SRGAP3: variants seen among roughly 807,000 people sequenced by gnomAD.
SRGAP3 encodes the protein SLIT-ROBO Rho GTPase activating protein 3.
Under a neutral mutation model 121.1 loss-of-function variants are expected in SRGAP3, and 39 were observed. The ratio of observed to expected loss-of-function variants is 0.32; its 90% CI spans 0.25 to 0.42. SRGAP3 has a LOEUF of 0.42. Ranked by LOEUF, SRGAP3 falls within the 10% of genes least tolerant of loss-of-function variation. SRGAP3 has a pLI of 1.00. For synonymous variants in SRGAP3, 601 were observed against 570.0 expected (o/e 1.05, Z -0.77); for missense variants, 1,213 against 1,470.6 (o/e 0.82, Z 2.86).
rs549604286 is a variant in SRGAP3 at position 9,051,745 on chromosome 3, G to A, written c.1323+1282C>T. 6.2e-3 allele frequency among the ~76,000 whole-genome samples: 734 copies of A among 118,946 alleles called. 7 individuals carry two copies. The highest frequency in any genetic ancestry group is 0.022 in the African/African-American group (677 of 30,420). 78.0% of individuals were successfully genotyped at this position (118,946 alleles called of 152,430 possible). On this transcript the variant is annotated intron_variant, in intron 9 of 21. Coordinates refer to ENST00000383836, the MANE Select transcript of SRGAP3 (RefSeq NM_014850.4). ...TTTTTTTTTTTTGAGATGAAGTCTC[G>A]CTCTGTCACCCAGGCTGGAGGCAGT...
Position 9,047,492 on chromosome 3 carries a change from A to AC in SRGAP3, c.1324-18dup, listed in dbSNP as rs1449053297. 1 of 1,613,494 alleles carries AC rather than the reference A, an allele frequency of 6.2e-7. No individual in the cohort carries two copies. The highest frequency in any genetic ancestry group is 8.5e-7 in the Non-Finnish European group (1 of 1,179,448). Reference sequence around the variant, plus strand: ...TTTAAATTTCTGTAAGACACAAGGCACAAGGAAGTTATAGATTGCAAGGCC... The same window carrying AC: ...TTTAAATTTCTGTAAGACACAAGGCACCAAGGAAGTTATAGATTGCAAGGCC... On this transcript the variant is annotated splice_polypyrimidine_tract_variant and intron_variant, in intron 9 of 21. Transcript: ENST00000383836.
At chr3:9,236,124 C>T (rs1953400604) in intron 1 of SRGAP3, 1 of 169,300 alleles carries the variant, frequency 5.9e-6, no homozygotes, top group African/African-American at 2.4e-5. Context: ...CTCACCATTT[C>T]TCAAGTACCC....
intron 1 of SRGAP3, among the ~76,000 whole-genome samples, chr3:9,158,381 C>T (rs1394974805): frequency 6.6e-6 from 1 of 152,172 alleles, no homozygotes; most frequent in African/African-American, 2.4e-5. Context: ...GTTAATGTGA[C>T]TAGACATATA....
chr3:9,089,846 C>A (rs553310764), intron 3 of SRGAP3, among the ~76,000 whole-genome samples: 1 of 152,290 alleles, frequency 6.6e-6, no homozygotes, highest in African/African-American at 2.4e-5. Context: ...ACACGTGTTC[C>A]AGGCTAAGCC....
At chr3:9,169,511 T>C (rs1470251487) in intron 1 of SRGAP3, among the ~76,000 whole-genome samples, 1 of 152,194 alleles carries the variant, frequency 6.6e-6, no homozygotes, top group Non-Finnish European at 1.5e-5. Flanking sequence ...TTACATGTCA[T>C]TGCATGTTCC....
intron 1 of SRGAP3, among the ~76,000 whole-genome samples, chr3:9,135,149 C>T (rs958511333): frequency 6.6e-6 from 1 of 152,190 alleles, no homozygotes; most frequent in African/African-American, 2.4e-5. Flanking sequence ...ACGTGTTAAA[C>T]CATCCTGGAC....
chr3:9,172,125 G>A (rs1366611510), intron 1 of SRGAP3, among the ~76,000 whole-genome samples: 5 of 137,424 alleles, frequency 3.6e-5, no homozygotes, highest in Non-Finnish European at 7.6e-5. Flanking sequence ...ACAGGGTCTC[G>A]CTCTGTTGCC....
chr3:9,051,347 G>A (rs1158645104), intron 9 of SRGAP3, among the ~76,000 whole-genome samples: 3 of 152,152 alleles, frequency 2.0e-5, no homozygotes, highest in African/African-American at 7.2e-5. Flanking sequence ...CTTTGGCCTT[G>A]GCCTTGGTAT....
intron 1 of SRGAP3, among the ~76,000 whole-genome samples, chr3:9,362,019 G>A (rs1256636985): frequency 6.6e-6 from 1 of 152,002 alleles, no homozygotes; most frequent in Non-Finnish European, 1.5e-5. Flanking sequence ...CCCTCTTACA[G>A]TTTATTTAAC....
chr3:9,334,108 G>T (rs1955651929), intron 1 of SRGAP3, among the ~76,000 whole-genome samples: 1 of 151,998 alleles, frequency 6.6e-6, no homozygotes, highest in Non-Finnish European at 1.5e-5. Flanking sequence ...TTCACAGGAT[G>T]ATTGCTGTAA....
At chr3:9,227,384 C>T (rs541777230) in intron 1 of SRGAP3, among the ~76,000 whole-genome samples, 2 of 152,126 alleles carry the variant, frequency 1.3e-5, no homozygotes, top group Non-Finnish European at 2.9e-5. Flanking sequence ...AATAACAGAG[C>T]GCACTTATTG....
intron 3 of SRGAP3, among the ~76,000 whole-genome samples, chr3:9,275,139 T>C (rs1469846831): frequency 6.6e-6 from 1 of 152,098 alleles, no homozygotes; most frequent in Non-Finnish European, 1.5e-5. Flanking sequence ...ACTGAAAAAT[T>C]CTTGGGGAGA....
At position 9,211,147 on chromosome 3, in the gene SRGAP3, AG is replaced by A. The variant is rs778621020; in HGVS notation, c.67+37737del. Among the ~76,000 whole-genome samples the A allele has an allele frequency of 8.5e-5, 13 of 152,144 alleles. 1 individual carries two copies. The highest frequency in any genetic ancestry group is 1.8e-4 in the Non-Finnish European group (12 of 68,028). On this transcript the variant is annotated intron_variant, in intron 1 of 21. Coordinates refer to ENST00000383836, the MANE Select transcript of SRGAP3 (RefSeq NM_014850.4). ...CTTAGTAAGGTGTTGAGGGGGGAGA[AG>A]TGGGCATTATTTTTATAATTAAAGA... is the stretch of plus-strand genomic sequence containing the variant.
chr3:9,104,599 TC>T, intron 3 of SRGAP3, 80 bp downstream of exon 3: 1 of 1,582,788 alleles, frequency 6.3e-7, no homozygotes, highest in South Asian at 1.1e-5. Context: ...CCAAACCACA[TC>T]CCACCCTGGC....
intron 3 of SRGAP3, among the ~76,000 whole-genome samples, chr3:9,278,056 G>T (rs11131164): frequency 6.6e-6 from 1 of 152,112 alleles, no homozygotes; most frequent in Non-Finnish European, 1.5e-5. Flanking sequence ...AGGCATCTTG[G>T]TCTTGGACTT....
rs1254928054 is a variant in SRGAP3 at position 9,239,742 on chromosome 3, T to C, written c.67+9143A>G. 6.6e-6 allele frequency among the ~76,000 whole-genome samples: 1 copy of C among 152,228 alleles called. No individual in the cohort carries two copies. Among genetic ancestry groups the C allele is most frequent in the African/African-American group, 2.4e-5 (1 of 41,466 alleles). ...TGGAAATGTCAAAATCCACATTTCC[T>C]AGGTGAACTCAAAGCACTACATTGA... On this transcript the variant is annotated intron_variant, in intron 1 of 21. Coordinates refer to ENST00000383836, the MANE Select transcript of SRGAP3 (RefSeq NM_014850.4). This position sits in a 1 kb window ranked among gnomAD's most constrained non-coding sequence, Gnocchi z 4.0.
chr3:9,008,989 GCA>G (rs1943223847), intron 18 of SRGAP3, among the ~76,000 whole-genome samples: 1 of 152,314 alleles, frequency 6.6e-6, no homozygotes, highest in Middle Eastern at 3.4e-3. Flanking sequence ...AATGAAACCA[GCA>G]CAGAGGGAAG....
At chr3:9,112,220 G>A (rs972562930) in intron 2 of SRGAP3, among the ~76,000 whole-genome samples, 3 of 152,206 alleles carry the variant, frequency 2.0e-5, no homozygotes, top group Non-Finnish European at 4.4e-5. Flanking sequence ...CCCTCTGGGA[G>A]GAAGGCAAGC....
In SRGAP3 at chr3:9,025,284, T is replaced by C. The variant is rs199533512; in HGVS notation, c.1655A>G (p.Asp552Gly). The change falls in exon 14 of 22, where the codon GAC becomes GGC. Residue 552 changes from aspartate to glycine, a missense_variant. This residue lies in a region of SRGAP3 where 793 missense variants were observed against 1,032.9 expected (regional missense o/e 0.77). Transcript: ENST00000383836. ...ACCTCTCTCAAAGGAATTTTTGATG[T>C]CATTGACTTCCACCTGAGATCCTGG... ...RVPGSQVEVN[D>G]IKNSFERGED... 6.2e-7 allele frequency: 1 copy of C among 1,614,186 alleles called. No individual in the cohort carries two copies. The highest frequency in any genetic ancestry group is 1.7e-5 in the Admixed American group (1 of 60,024).
Sources: gnomAD v4.1 joint callset for allele counts (sites outside exome capture counted in the v4.1 genomes callset) on GRCh38, gnomAD v4.1.1 for gene constraint, gnomAD v4.1.1 regional missense constraint, Gnocchi (gnomAD v3.1) non-coding constraint, MANE v1.5 for transcripts, NCBI Gene and HGNC (gene_info 2026-07-23, HGNC 2026-07-21) for gene names.